C1QL1: variants seen among roughly 807,000 people sequenced by gnomAD.
C1QL1 encodes the protein C1q-related factor.
In C1QL1, 15 loss-of-function variants were observed where a neutral mutation model predicts 14.2. That is an observed-to-expected ratio of 1.06 (90% CI 0.71 to 1.62). C1QL1 has a LOEUF of 1.62. C1QL1 is among the 40% of genes most tolerant of loss of function. The probability of loss-of-function intolerance (pLI) is 0.00; values close to 1 mark genes in which losing one functional copy is unlikely to be tolerated. For missense variants in C1QL1, 346 were observed against 380.3 expected (o/e 0.91, Z 0.75); for synonymous variants, 172 against 172.4 (o/e 1.00, Z 0.02).
At position 44,967,571 on chromosome 17, in the gene C1QL1, C is replaced by G; in HGVS notation, c.478G>C (p.Asp160His). 1.9e-6 allele frequency: 3 copies of G among 1,614,122 alleles called. No individual in the cohort carries two copies. Among genetic ancestry groups the G allele is most frequent in the Non-Finnish European group, 2.5e-6 (3 of 1,179,956 alleles). ...DVVTNLGNNYDAASGKFTCNI... is the reference protein window; with the variant it reads ...DVVTNLGNNYHAASGKFTCNI... ...CACGTAAACTTGCCGCTGGCCGCGT[C>G]GTAGTTGTTGCCTAGGTTGGTGACC... The change falls in exon 1 of 2, where the codon GAC (aspartate) becomes CAC (histidine). Residue 160 changes from aspartate to histidine, a missense_variant. Asp to His is a moderately conservative substitution (Grantham distance 81, BLOSUM62 -1). Coordinates refer to ENST00000253407, the MANE Select transcript of C1QL1 (RefSeq NM_006688.5). The surrounding 1 kb of genome is among the most constrained non-coding windows in gnomAD (Gnocchi z 7.0).
At chr17:44,966,773 C>T (rs1172778386) in intron 1 of C1QL1, among the ~76,000 whole-genome samples, 1 of 140,732 alleles carries the variant, frequency 7.1e-6, no homozygotes, top group African/African-American at 2.6e-5. Flanking sequence ...CCACCCCCCA[C>T]CCCCTCCCCG....
chr17:44,966,952 G>A (rs1408377552), intron 1 of C1QL1, among the ~76,000 whole-genome samples: 1 of 152,216 alleles, frequency 6.6e-6, no homozygotes, highest in Non-Finnish European at 1.5e-5. Flanking sequence ...TGTAAGCACC[G>A]GGCTCCCTTT....
chr17:44,968,123 G>T lies in C1QL1; in HGVS notation c.-75C>A, dbSNP rs1597911656. 1.0e-6 allele frequency: 1 copy of T among 989,512 alleles called. No homozygotes were observed. The highest frequency in any genetic ancestry group is 1.3e-6 in the Non-Finnish European group (1 of 787,618). 61.3% of individuals were successfully genotyped at this position (989,512 alleles called of 1,614,324 possible). On this transcript the variant is annotated 5_prime_UTR_variant, in exon 1 of 2. Transcript: ENST00000253407. ...CTGGGGAGCGCCGGGCCGCCCGGCC[G>T]CGCCGTCGGGGCAATGGTGCCGGCG...
chr17:44,967,368 G>T lies in C1QL1; in HGVS notation c.597+84C>A. ...CCACCTGCGTCCGCCTGGCGCCCCC[G>T]CCAACTCCGATCAGGTACCCATTTG... On this transcript the variant is annotated intron_variant, in intron 1 of 1. Coordinates refer to ENST00000253407, the MANE Select transcript of C1QL1 (RefSeq NM_006688.5). This position sits in a 1 kb window ranked among gnomAD's most constrained non-coding sequence, Gnocchi z 7.0. 7.1e-7 allele frequency: 1 copy of T among 1,414,846 alleles called. No homozygotes were observed. The highest frequency in any genetic ancestry group is 9.6e-7 in the Non-Finnish European group (1 of 1,036,404). The allele number at this position is 1,414,846 out of a possible 1,614,324, so 87.6% of individuals were successfully genotyped here. A position where few individuals can be genotyped will look rare whatever the true frequency, so the allele number is the denominator to read the frequency against.
intron 1 of C1QL1, among the ~76,000 whole-genome samples, chr17:44,964,593 G>A (rs999507566): frequency 2.6e-5 from 4 of 152,168 alleles, no homozygotes; most frequent in Non-Finnish European, 4.4e-5. Flanking sequence ...TCGCTGGGGC[G>A]TGTGGTTGTA....
intron 1 of C1QL1, among the ~76,000 whole-genome samples, chr17:44,964,784 G>T (rs916735565): frequency 6.6e-6 from 1 of 152,116 alleles, no homozygotes; most frequent in African/African-American, 2.4e-5. Flanking sequence ...GGGAGAGGGG[G>T]CTACGGGCCC....
At position 44,967,744 on chromosome 17, in the gene C1QL1, G is replaced by T. The variant is rs1272390342; in HGVS notation, c.305C>A (p.Pro102Gln). The T allele has an allele frequency of 6.3e-7, 1 of 1,595,040 alleles. No homozygotes were observed. Among genetic ancestry groups the T allele is most frequent in the East Asian group, 2.3e-5 (1 of 44,420 alleles). ...PVGPPGEKGE[P>Q]GKPGPPGLPG... ...CAGCCCCGGAGGGCCCGGCTTGCCTGGCTCACCCTTCTCCCCCGGCGGCCC... is the reference window on the plus strand; with the variant it reads ...CAGCCCCGGAGGGCCCGGCTTGCCTTGCTCACCCTTCTCCCCCGGCGGCCC... The change falls in exon 1 of 2, where the codon CCA (proline) becomes CAA (glutamine). Residue 102 changes from proline (P) to glutamine (Q), a missense_variant. Transcript: ENST00000253407. The surrounding 1 kb of genome is among the most constrained non-coding windows in gnomAD (Gnocchi z 7.0).
intron 1 of C1QL1, among the ~76,000 whole-genome samples, chr17:44,964,256 G>A (rs1009878973): frequency 2.0e-5 from 3 of 152,220 alleles, no homozygotes; most frequent in Admixed American, 6.5e-5. Context: ...AAGGAAAAGC[G>A]CAGTGCTCAG....
chr17:44,967,587 G>T lies in C1QL1; in HGVS notation c.462C>A (p.Asn154Lys). The change falls in exon 1 of 2, where the codon AAC becomes AAA. Residue 154 changes from asparagine to lysine, a missense_variant. By Grantham distance (94) the Asn-to-Lys change is moderately conservative (BLOSUM62 0). Transcript: ENST00000253407. This position sits in a 1 kb window ranked among gnomAD's most constrained non-coding sequence, Gnocchi z 7.0. Reference sequence around the variant, plus strand: ...TGGCCGCGTCGTAGTTGTTGCCTAGGTTGGTGACCACGTCGTCAAACTTGA... The same window carrying T: ...TGGCCGCGTCGTAGTTGTTGCCTAGTTTGGTGACCACGTCGTCAAACTTGA... ...EVLKFDDVVT[N>K]LGNNYDAASG... The T allele has an allele frequency of 6.2e-7, 1 of 1,614,088 alleles. No individual in the cohort carries two copies. The highest frequency in any genetic ancestry group is 8.5e-7 in the Non-Finnish European group (1 of 1,179,940).
Position 44,967,842 on chromosome 17 carries a change from C to G in C1QL1, c.207G>C (p.Gln69His). Residue 69 changes from glutamine (Q) to histidine (H), a missense_variant, in exon 1 of 2, where the codon CAG becomes CAC. Gln to His is a conservative substitution (Grantham distance 24). Coordinates refer to ENST00000253407, the MANE Select transcript of C1QL1 (RefSeq NM_006688.5). This position sits in a 1 kb window ranked among gnomAD's most constrained non-coding sequence, Gnocchi z 7.0. ...GCTTGCCGGTGCGGCCCGGCTTCCC[C>G]TGGGGGCCCTGCACCAGCGTGGAAG... The part of the protein sequence containing the change: ...PPPSTLVQGP[Q>H]GKPGRTGKPG... 1 of 1,371,414 alleles carries G rather than the reference C, an allele frequency of 7.3e-7. No homozygotes were observed. Among genetic ancestry groups the G allele is most frequent in the Non-Finnish European group, 9.3e-7 (1 of 1,073,716 alleles). 85.0% of individuals were successfully genotyped at this position (1,371,414 alleles called of 1,614,324 possible).
Position 44,967,941 on chromosome 17 carries a change from G to C in C1QL1, c.108C>G (p.Pro36=). 1 of 1,293,244 alleles carries C rather than the reference G, an allele frequency of 7.7e-7. No individual in the cohort carries two copies. The highest frequency in any genetic ancestry group is 9.8e-7 in the Non-Finnish European group (1 of 1,024,792). 80.1% of individuals were successfully genotyped at this position (1,293,244 alleles called of 1,614,324 possible). The change falls in exon 1 of 2, where the codon CCC becomes CCG. Residue 36 remains proline (P), a synonymous_variant. Transcript: ENST00000253407. This position sits in a 1 kb window ranked among gnomAD's most constrained non-coding sequence, Gnocchi z 7.0. ...GTCRMVCDPY[P]ARGPGAGART... ...GCGCGCCGGCGCCGGGGCCCCGCGC[G>C]GGGTAGGGGTCGCACACCATGCGGC...
chr17:44,960,842 A>T (rs972080888), intron 1 of C1QL1, among the ~76,000 whole-genome samples: 1 of 152,192 alleles, frequency 6.6e-6, no homozygotes, highest in African/African-American at 2.4e-5. Flanking sequence ...ACAAGGGCAC[A>T]CCTTGGCCCC....
chr17:44,968,040 C>T lies in C1QL1; in HGVS notation c.9G>A (p.Leu3=). Residue 3 remains leucine (L), a synonymous_variant, in exon 1 of 2, where the codon CTG becomes CTA. Coordinates refer to ENST00000253407, the MANE Select transcript of C1QL1 (RefSeq NM_006688.5). The part of the protein sequence containing the change: ML[L]VLVVLIPVLV... ...GCACGGGGATGAGCACCACCAGCACCAGCAGCATCACCACACCCGCGGCGG... is the reference window on the plus strand; with the variant it reads ...GCACGGGGATGAGCACCACCAGCACTAGCAGCATCACCACACCCGCGGCGG... 1 of 1,346,798 alleles carries T rather than the reference C, an allele frequency of 7.4e-7. No homozygotes were observed. Among genetic ancestry groups the T allele is most frequent in the Non-Finnish European group, 9.5e-7 (1 of 1,047,224 alleles). The allele number at this position is 1,346,798 out of a possible 1,614,324, so 83.4% of individuals were successfully genotyped here.
Position 44,968,259 on chromosome 17 carries a change from C to T in C1QL1, c.-211G>A, listed in dbSNP as rs2052670134. The stretch of plus-strand genomic sequence containing the variant: ...CGCTGGCTGCGCTGCGGAGCCCAGC[C>T]GCCGGCTCCTGCCTCGCGCCTCCCT... On this transcript the variant is annotated 5_prime_UTR_variant, in exon 1 of 2. Transcript: ENST00000253407. 1.3e-5 allele frequency among the ~76,000 whole-genome samples: 2 copies of T among 148,842 alleles called. No homozygotes were observed. The highest frequency in any genetic ancestry group is 2.1e-4 in the South Asian group (1 of 4,810).
chr17:44,963,409 A>C (rs3024303), intron 1 of C1QL1, among the ~76,000 whole-genome samples: 5,174 of 151,958 alleles, frequency 0.034, 131 homozygotes, highest in South Asian at 0.099. Flanking sequence ...ACCAGGGGAG[A>C]GGCTGATCTC....
In C1QL1 at chr17:44,967,670, C is replaced by CCT; in HGVS notation, c.378_379insAG (p.Val127ArgfsTer30). The CCT allele has an allele frequency of 1.2e-6, 2 of 1,613,298 alleles. No homozygotes were observed. Among genetic ancestry groups the CCT allele is most frequent in the Non-Finnish European group, 1.7e-6 (2 of 1,179,776 alleles). On this transcript the variant is annotated frameshift_variant, in exon 1 of 2. Transcript: ENST00000253407. LOFTEE classifies it high-confidence loss of function. This position sits in a 1 kb window ranked among gnomAD's most constrained non-coding sequence, Gnocchi z 7.0. The stretch of plus-strand genomic sequence containing the variant: ...CCGGCGTAGAAGGCCACGCGCGGCA[C>CCT]CGTGGTGTAGGTGGCAGTGCTGATG...
rs1421006483 is a variant in C1QL1 at position 44,960,071 on chromosome 17, G to T, written c.*117C>A. On this transcript the variant is annotated 3_prime_UTR_variant, in exon 2 of 2. Transcript: ENST00000253407. ...GCGGTGTTGAGCACGGGCCGGGGGC[G>T]TCATAGCCGGGGAGGGCCGGGCAGC... 5 of 922,886 alleles carry T rather than the reference G, an allele frequency of 5.4e-6. No homozygotes were observed. Among genetic ancestry groups the T allele is most frequent in the Non-Finnish European group, 8.7e-6 (5 of 574,862 alleles). The allele number at this position is 922,886 out of a possible 1,614,324, so 57.2% of individuals were successfully genotyped here.
intron 1 of C1QL1, among the ~76,000 whole-genome samples, chr17:44,966,769 C>T (rs1335085125): frequency 7.3e-6 from 1 of 137,548 alleles, no homozygotes; most frequent in South Asian, 2.8e-4. Flanking sequence ...CCCCCCACCC[C>T]CCACCCCCTC....
chr17:44,964,339 C>T (rs999834897), intron 1 of C1QL1, among the ~76,000 whole-genome samples: 1 of 152,184 alleles, frequency 6.6e-6, no homozygotes, highest in African/African-American at 2.4e-5. Flanking sequence ...TCTGGTCCTG[C>T]CATTTTTTTC....
Sources: allele counts gnomAD v4.1 joint callset (sites outside exome capture counted in the v4.1 genomes callset), GRCh38; gene constraint gnomAD v4.1.1; non-coding constraint Gnocchi (gnomAD v3.1); transcripts MANE v1.5; gene names NCBI Gene and HGNC (gene_info 2026-07-23, HGNC 2026-07-21).